The following FAT4 variants were observed in gnomAD, a reference collection of about 807,000 sequenced individuals.
The protein encoded by FAT4 is FAT atypical cadherin 4.
FAT4 carries 84 observed loss-of-function variants against 303.9 expected under a neutral mutation model. The ratio of observed to expected loss-of-function variants is 0.28; its 90% CI spans 0.23 to 0.33. FAT4 has a LOEUF of 0.33. Among genes scored for constraint, FAT4 ranks in the 10% least tolerant of loss-of-function variants. FAT4 has a pLI of 1.00. For synonymous variants in FAT4, 2,307 were observed against 2,298.8 expected (o/e 1.00, Z -0.10); for missense variants, 6,005 against 6,146.8 (o/e 0.98, Z 0.77).
chr4:125,460,714 T>C (rs1171112747), intron 10 of FAT4, among the ~76,000 whole-genome samples: 1 of 152,154 alleles, frequency 6.6e-6, no homozygotes, highest in African/African-American at 2.4e-5. Flanking sequence ...ATTCCATGTC[T>C]TTGCTATTGT....
At chr4:125,408,192 T>C (rs1734696124) in intron 4 of FAT4, among the ~76,000 whole-genome samples, 1 of 152,168 alleles carries the variant, frequency 6.6e-6, no homozygotes, top group Non-Finnish European at 1.5e-5. Flanking sequence ...ACATCAGATA[T>C]ATTATTAATT....
chr4:125,316,937 A>T lies in FAT4; in HGVS notation c.526A>T (p.Ile176Phe). Residue 176 changes from isoleucine (I) to phenylalanine (F), a missense_variant, in exon 2 of 18, where the codon ATC becomes TTC. Coordinates refer to ENST00000394329, the MANE Select transcript of FAT4 (RefSeq NM_001291303.3). This position sits in a 1 kb window ranked among gnomAD's most constrained non-coding sequence, Gnocchi z 5.7. ...SNGVDHRSYR[I>F]IRGNEAGRFR... is the part of the protein sequence containing the mutation. ...CGGTGTGGACCACCGCTCCTACCGC[A>T]TCATCCGCGGCAATGAGGCGGGGCG... 2.5e-6 allele frequency: 4 copies of T among 1,613,954 alleles called. No homozygotes were observed. Among genetic ancestry groups the T allele is most frequent in the Non-Finnish European group, 3.4e-6 (4 of 1,180,022 alleles).
chr4:125,435,318 A>G (rs1469096263), intron 8 of FAT4, among the ~76,000 whole-genome samples: 1 of 152,166 alleles, frequency 6.6e-6, no homozygotes, highest in Non-Finnish European at 1.5e-5. Context: ...AAAAACTCAC[A>G]CACATAAATA....
rs529762670 is a variant in FAT4, at chr4:125,370,077, G to A, written c.5176-28707G>A. ...GGCGTATTGGGTTTTAATATTACAC[G>A]TTTGTTATAAAGGCAGATATAGGGT... is the stretch of plus-strand genomic sequence containing the variant. On this transcript the variant is annotated intron_variant, in intron 2 of 17. Coordinates refer to ENST00000394329, the MANE Select transcript of FAT4 (RefSeq NM_001291303.3). 2.6e-5 allele frequency among the ~76,000 whole-genome samples: 4 copies of A among 151,198 alleles called. No homozygotes were observed. In the South Asian group the frequency reaches 6.3e-4, roughly 24 times the overall value.
At chr4:125,453,063 G>GT (rs1373533878) in intron 10 of FAT4, among the ~76,000 whole-genome samples, 2 of 152,152 alleles carry the variant, frequency 1.3e-5, no homozygotes, top group African/African-American at 4.8e-5. Flanking sequence ...GAAGTAGAGA[G>GT]TAAGTAATTA....
chr4:125,489,440 C>T (rs1214679776), intron 17 of FAT4, among the ~76,000 whole-genome samples: 1 of 152,128 alleles, frequency 6.6e-6, no homozygotes, highest in Non-Finnish European at 1.5e-5. Flanking sequence ...ATGTTCCACA[C>T]CTTTGGTGTA....
intron 2 of FAT4, among the ~76,000 whole-genome samples, chr4:125,326,270 A>G (rs1217410865): frequency 1.3e-5 from 2 of 151,904 alleles, no homozygotes; most frequent in Non-Finnish European, 2.9e-5. Context: ...AACGTTAGAA[A>G]TGATTTTCTT....
intron 2 of FAT4, 26 bp from the exon 3 acceptor site, chr4:125,398,758 A>G: frequency 6.2e-7 from 1 of 1,611,396 alleles, no homozygotes; most frequent in South Asian, 1.1e-5. Context: ...GGAGTCATTC[A>G]CACATTGTTT....
chr4:125,406,036 A>T (rs1734591739), intron 3 of FAT4, among the ~76,000 whole-genome samples: 1 of 151,840 alleles, frequency 6.6e-6, no homozygotes, highest in South Asian at 2.1e-4. Flanking sequence ...ATATACTTTC[A>T]CTTGTCTGCT....
At chr4:125,472,888 T>G (rs1726911872) in intron 12 of FAT4, among the ~76,000 whole-genome samples, 1 of 152,196 alleles carries the variant, frequency 6.6e-6, no homozygotes, top group Non-Finnish European at 1.5e-5. Flanking sequence ...GGTTATTAAA[T>G]GTATGTTACT....
intron 2 of FAT4, 21 bp downstream of exon 2, chr4:125,321,607 T>C (rs1730956565): frequency 6.5e-7 from 1 of 1,549,460 alleles, no homozygotes; most frequent in Non-Finnish European, 8.7e-7. Context: ...TGTAGTCATT[T>C]ATTATTTGTT....
intron 2 of FAT4, among the ~76,000 whole-genome samples, chr4:125,394,912 C>A (rs2126009748): frequency 6.6e-6 from 1 of 152,278 alleles, no homozygotes. Context: ...CTATTTTCTA[C>A]AAGGGATGCT....
At chr4:125,388,312 C>G (rs958133946) in intron 2 of FAT4, among the ~76,000 whole-genome samples, 1 of 152,070 alleles carries the variant, frequency 6.6e-6, no homozygotes, top group Non-Finnish European at 1.5e-5. Context: ...TAGTTTGTAC[C>G]TTTAATAGAA....
In FAT4 at chr4:125,482,941, A is replaced by C. The variant is rs184860740; in HGVS notation, c.12822+1203A>C. The stretch of plus-strand genomic sequence containing the variant: ...TCCAACTAGGATAGATTTTACCCCC[A>C]TGGGACATTTGGCAATATCTGGAGA... On this transcript the variant is annotated intron_variant, in intron 16 of 17. Transcript: ENST00000394329. Among the ~76,000 whole-genome samples the C allele has an allele frequency of 2.9e-3, 444 of 152,290 alleles. 1 individual carries two copies. The highest frequency in any genetic ancestry group is 6.8e-3 in the Middle Eastern group (2 of 294).
chr4:125,358,691 C>T (rs1047741280), intron 2 of FAT4, among the ~76,000 whole-genome samples: 1 of 152,206 alleles, frequency 6.6e-6, no homozygotes, highest in Non-Finnish European at 1.5e-5. Context: ...CACTGCTCAC[C>T]GCTCACCTCC....
chr4:125,354,320 T>A (rs1350622097), intron 2 of FAT4, among the ~76,000 whole-genome samples: 2 of 151,728 alleles, frequency 1.3e-5, no homozygotes, highest in Admixed American at 1.3e-4. Context: ...TGTACTTTAT[T>A]TGCTTTTGGA....
chr4:125,473,832 T>C (rs1175574604), intron 12 of FAT4, among the ~76,000 whole-genome samples: 2 of 152,022 alleles, frequency 1.3e-5, no homozygotes, highest in Non-Finnish European at 2.9e-5. Flanking sequence ...CAATTTTTAA[T>C]AATACCAAAT....
At chr4:125,463,353 G>A (rs1726546577) in intron 10 of FAT4, among the ~76,000 whole-genome samples, 1 of 151,882 alleles carries the variant, frequency 6.6e-6, no homozygotes, top group Non-Finnish European at 1.5e-5. Context: ...TATTTCCTAA[G>A]TATTATAATG....
At chr4:125,448,300 G>A (rs1425460659) in intron 9 of FAT4, among the ~76,000 whole-genome samples, 161 bp from the exon 10 acceptor site, 1 of 152,084 alleles carries the variant, frequency 6.6e-6, no homozygotes, top group Non-Finnish European at 1.5e-5. Flanking sequence ...GATTTGACTT[G>A]TGAACCTCGG....
Sources: allele counts gnomAD v4.1 joint callset (sites outside exome capture counted in the v4.1 genomes callset), GRCh38; gene constraint gnomAD v4.1.1; non-coding constraint Gnocchi (gnomAD v3.1); transcripts MANE v1.5; gene names NCBI Gene and HGNC (gene_info 2026-07-23, HGNC 2026-07-21).